KDM5A: variants seen among roughly 807,000 people sequenced by gnomAD.
KDM5A encodes lysine demethylase 5A, also known as lysine-specific demethylase 5A.
KDM5A carries 42 observed loss-of-function variants against 193.5 expected under a neutral mutation model. That is an observed-to-expected ratio of 0.22 (90% CI 0.17 to 0.28). The LOEUF (loss-of-function observed/expected upper bound fraction) is 0.28. Ranked by LOEUF, KDM5A falls within the 10% of genes least tolerant of loss-of-function variation. The pLI is 1.00. For missense variants in KDM5A, 1,692 were observed against 2,055.1 expected (o/e 0.82, Z 3.42); for synonymous variants, 796 against 718.1 (o/e 1.11, Z -1.73).
rs1223617597 is a variant in KDM5A at position 384,094 on chromosome 12, T to C, written c.303A>G (p.Gln101=). The C allele has an allele frequency of 6.2e-7, 1 of 1,609,438 alleles. No individual in the cohort carries two copies. The highest frequency in any genetic ancestry group is 8.5e-7 in the Non-Finnish European group (1 of 1,175,816). Reference sequence around the variant, plus strand: ...CCACAGGGATCTTCAGAGTAGATCCTTGAAGTTCCCAAAATTTTGCTAGTT... The same window carrying C: ...CCACAGGGATCTTCAGAGTAGATCCCTGAAGTTCCCAAAATTTTGCTAGTT... ...LDQLAKFWEL[Q]GSTLKIPVVE... The change falls in exon 3 of 28, where the codon CAA becomes CAG. Residue 101 remains glutamine (Q), a synonymous_variant. Transcript: ENST00000399788.
chr12:358,048 T>C (rs1018337103), intron 5 of KDM5A, among the ~76,000 whole-genome samples: 1 of 152,056 alleles, frequency 6.6e-6, no homozygotes, highest in Non-Finnish European at 1.5e-5. Context: ...GAAAATCTTA[T>C]GTAAAAATGT....
Position 283,597 on chromosome 12 carries a change from C to G in KDM5A, c.*1859G>C. On this transcript the variant is annotated 3_prime_UTR_variant, in exon 28 of 28. Coordinates refer to ENST00000399788, the MANE Select transcript of KDM5A (RefSeq NM_001042603.3). ...GAGTTAAATCTCATACCCACTCAAA[C>G]TGTAACTGGACAGTACATTTCACTT... is the stretch of plus-strand genomic sequence containing the variant. 1 of 233,222 alleles carries G rather than the reference C, an allele frequency of 4.3e-6. No homozygotes were observed. Among genetic ancestry groups the G allele is most frequent in the Non-Finnish European group, 8.5e-6 (1 of 117,800 alleles). 14.4% of individuals were successfully genotyped at this position (233,222 alleles called of 1,614,324 possible).
chr12:343,239 C>T (rs1483871641), intron 10 of KDM5A, among the ~76,000 whole-genome samples: 2 of 152,204 alleles, frequency 1.3e-5, no homozygotes, highest in East Asian at 3.8e-4. Flanking sequence ...TCCACCATTG[C>T]TGAGGCTTGA....
chr12:324,110 C>T (rs1277958467), intron 14 of KDM5A, among the ~76,000 whole-genome samples: 1 of 152,000 alleles, frequency 6.6e-6, no homozygotes, highest in Non-Finnish European at 1.5e-5. Flanking sequence ...GATTTGAGAC[C>T]AGCCGGGGCA....
chr12:360,422 G>A (rs1315776784), intron 5 of KDM5A, among the ~76,000 whole-genome samples: 1 of 152,102 alleles, frequency 6.6e-6, no homozygotes, highest in Non-Finnish European at 1.5e-5. Context: ...AGATGACTAA[G>A]GAGTGGTCAG....
chr12:365,969 G>C lies in KDM5A; in HGVS notation c.502C>G (p.Pro168Ala). 6.2e-7 allele frequency: 1 copy of C among 1,613,940 alleles called. No individual in the cohort carries two copies. Among genetic ancestry groups the C allele is most frequent in the Non-Finnish European group, 8.5e-7 (1 of 1,179,892 alleles). Residue 168 changes from proline to alanine, a missense_variant, in exon 4 of 28, where the codon CCA (proline) becomes GCA (alanine). This residue lies in a region of KDM5A where 120 missense variants were observed against 172.0 expected (regional missense o/e 0.70). Transcript: ENST00000399788. ...LKSHYERILYPYELFQSGVSL... is the reference protein window; with the variant it reads ...LKSHYERILYAYELFQSGVSL... ...ACACCAGACTGGAAAAGCTCATATG[G>C]GTAGAGAATTCTTTCATAATGTGAC...
chr12:345,093 C>CA (rs970449610), intron 10 of KDM5A, among the ~76,000 whole-genome samples: 61 of 142,574 alleles, frequency 4.3e-4, no homozygotes, highest in East Asian at 1.6e-3. Flanking sequence ...AAATAGAAAG[C>CA]AAAAAAAAAA....
At chr12:327,271 G>C (rs1458707062) in intron 14 of KDM5A, among the ~76,000 whole-genome samples, 1 of 152,092 alleles carries the variant, frequency 6.6e-6, no homozygotes. Context: ...GGTTAAATCT[G>C]AAATACTGAG....
intron 19 of KDM5A, among the ~76,000 whole-genome samples, chr12:315,455 T>C (rs1178133783): frequency 6.6e-6 from 1 of 152,042 alleles, no homozygotes; most frequent in African/African-American, 2.4e-5. Flanking sequence ...GCACCTATAA[T>C]CCCAGCTACT....
intron 5 of KDM5A, among the ~76,000 whole-genome samples, chr12:358,135 G>A (rs1309722844): frequency 2.0e-5 from 3 of 152,176 alleles, no homozygotes; most frequent in Non-Finnish European, 4.4e-5. Flanking sequence ...ATACTTGAAA[G>A]TGAGAGCATC....
chr12:332,403 A>G (rs954428322), intron 12 of KDM5A, among the ~76,000 whole-genome samples: 2 of 152,208 alleles, frequency 1.3e-5, no homozygotes, highest in African/African-American at 4.8e-5. Flanking sequence ...TTTGTTTTAC[A>G]ATAATACTGT....
intron 24 of KDM5A, among the ~76,000 whole-genome samples, chr12:305,130 T>C (rs1232124268): frequency 6.6e-6 from 1 of 152,186 alleles, no homozygotes; most frequent in Admixed American, 6.5e-5. Flanking sequence ...ACTAAGATGA[T>C]ATTCAAGAAC....
At chr12:328,595 AAT>A (rs1943822645) in intron 14 of KDM5A, among the ~76,000 whole-genome samples, 1 of 152,244 alleles carries the variant, frequency 6.6e-6, no homozygotes, top group Non-Finnish European at 1.5e-5. Context: ...TTAAAATGTA[AAT>A]ATATACCTAA....
At position 356,435 on chromosome 12, in the gene KDM5A, C is replaced by T. The variant is rs1591929320; in HGVS notation, c.775G>A (p.Glu259Lys). 1.9e-6 allele frequency: 3 copies of T among 1,592,664 alleles called. No homozygotes were observed. The highest frequency in any genetic ancestry group is 1.7e-4 in the Middle Eastern group (1 of 6,032). ...VGLAMGTKDKEDEVTRRRKVT... is the reference protein window; with the variant it reads ...VGLAMGTKDKKDEVTRRRKVT... ...ATGATCAAACAACAAATTTTACCTT[C>T]TTTATCTTTTGTTCCCATTGCCAAG... is the stretch of plus-strand genomic sequence containing the variant. The change falls in exon 6 of 28, where the codon GAA becomes AAA. Residue 259 changes from glutamate (E) to lysine (K), a missense_variant. Physicochemically the swap from Glu to Lys is moderately conservative, Grantham distance 56 (BLOSUM62 1). Transcript: ENST00000399788.
chr12:383,596 G>C (rs61907057), intron 3 of KDM5A, among the ~76,000 whole-genome samples: 1,529 of 152,128 alleles, frequency 0.01, 20 homozygotes, highest in Non-Finnish European at 0.015. Context: ...GATAACATTA[G>C]CAGGCTAGAG....
Position 365,973 on chromosome 12 carries a change from G to C in KDM5A, c.498C>G (p.Leu166=). The C allele has an allele frequency of 6.2e-7, 1 of 1,614,018 alleles. No homozygotes were observed. The part of the protein sequence containing the change: ...SLLKSHYERI[L]YPYELFQSGV... Reference sequence around the variant, plus strand: ...CAGACTGGAAAAGCTCATATGGGTAGAGAATTCTTTCATAATGTGACTTCA... The same window carrying C: ...CAGACTGGAAAAGCTCATATGGGTACAGAATTCTTTCATAATGTGACTTCA... The change falls in exon 4 of 28, where the codon CTC becomes CTG. Residue 166 remains leucine (L), a synonymous_variant. Transcript: ENST00000399788.
At chr12:355,036 T>C in intron 7 of KDM5A, 122 bp downstream of exon 7, 1 of 727,968 alleles carries the variant, frequency 1.4e-6, no homozygotes, top group Non-Finnish European at 2.5e-6. Flanking sequence ...TTCACAGATG[T>C]GCCATCAAGT....
chr12:296,913 G>A, intron 25 of KDM5A, 128 bp downstream of exon 25: 1 of 939,408 alleles, frequency 1.1e-6, no homozygotes, highest in Non-Finnish European at 1.6e-6. Context: ...GCATTTTCAG[G>A]TTCCATTAGT....
intron 24 of KDM5A, among the ~76,000 whole-genome samples, chr12:298,982 G>A (rs1037698196): frequency 1.8e-4 from 27 of 151,934 alleles, no homozygotes; most frequent in African/African-American, 6.0e-4. Context: ...AAAATAAAGT[G>A]AGAGGACAAG....
Sources: gnomAD v4.1 joint callset for allele counts (sites outside exome capture counted in the v4.1 genomes callset) on GRCh38, gnomAD v4.1.1 for gene constraint, gnomAD v4.1.1 regional missense constraint, MANE v1.5 for transcripts, NCBI Gene and HGNC (gene_info 2026-07-23, HGNC 2026-07-21) for gene names.